Variants in SLC24A2 observed in about 807,000 individuals in gnomAD.
SLC24A2 encodes the protein solute carrier family 24 member 2.
Under a neutral mutation model 62.0 loss-of-function variants are expected in SLC24A2, and 36 were observed. The observed-to-expected ratio is 0.58, with a 90% CI of 0.44 to 0.77. The LOEUF is 0.77. Among genes scored for constraint, SLC24A2 ranks in the 30% least tolerant of loss-of-function variants. The probability of loss-of-function intolerance (pLI) is 0.00; values close to 1 mark genes in which losing one functional copy is unlikely to be tolerated. For missense variants in SLC24A2, 846 were observed against 817.9 expected, an observed-to-expected ratio of 1.03 and a Z score of -0.42; for synonymous variants, 358 against 294.0, an observed-to-expected ratio of 1.22 and a Z score of -2.23.
chr9:19,852,637 T>C, the SLC24A2 span, among the ~76,000 whole-genome samples: 1 of 152,136 alleles, frequency 6.6e-6, no homozygotes, highest in Non-Finnish European at 1.5e-5. Flanking sequence ...TGTAGATGTG[T>C]GGTCTTATTT....
At chr9:19,622,357 C>T in intron 2 of SLC24A2, 58 bp from the exon 3 acceptor site, 1 of 1,491,952 alleles carries the variant, frequency 6.7e-7, no homozygotes, top group Non-Finnish European at 9.3e-7. Flanking sequence ...TGAAGAATCA[C>T]ATATGGCATT....
chr9:19,913,772 C>T, the SLC24A2 span, among the ~76,000 whole-genome samples: 1 of 152,098 alleles, frequency 6.6e-6, no homozygotes, highest in African/African-American at 2.4e-5. Context: ...TGGTCTATGA[C>T]TCCACAAATC....
the SLC24A2 span, among the ~76,000 whole-genome samples, chr9:20,202,530 G>C: frequency 6.6e-6 from 1 of 152,306 alleles, no homozygotes; most frequent in Admixed American, 6.5e-5. Context: ...GGCCTGAGGG[G>C]ATAGTTGTGG....
intron 8 of SLC24A2, among the ~76,000 whole-genome samples, chr9:19,543,329 A>C (rs768952835): frequency 4.0e-5 from 6 of 150,680 alleles, no homozygotes; most frequent in African/African-American, 1.5e-4. Context: ...TTTCTTTATT[A>C]GTCTGGCTAG....
At chr9:19,530,130 G>A (rs924971170) in intron 8 of SLC24A2, among the ~76,000 whole-genome samples, 3 of 140,824 alleles carry the variant, frequency 2.1e-5, no homozygotes, top group African/African-American at 5.3e-5. Context: ...TCTGGAGACC[G>A]AATTCCCTGA....
the SLC24A2 span, among the ~76,000 whole-genome samples, chr9:20,222,354 G>A: frequency 1.3e-5 from 2 of 151,804 alleles, no homozygotes; most frequent in Admixed American, 6.6e-5. Flanking sequence ...AAATACAGCA[G>A]AAAACAATCA....
At chr9:19,696,278 T>A (rs1336277914) in intron 2 of SLC24A2, among the ~76,000 whole-genome samples, 1 of 152,150 alleles carries the variant, frequency 6.6e-6, no homozygotes, top group Non-Finnish European at 1.5e-5. Context: ...ACGAAACTGG[T>A]CCCTGGTGCC....
At chr9:20,191,959 G>T in the SLC24A2 span, among the ~76,000 whole-genome samples, 23 of 152,278 alleles carry the variant, frequency 1.5e-4, no homozygotes, top group African/African-American at 5.1e-4. Context: ...GCTATGCACA[G>T]AGGGGTAAGA....
the SLC24A2 span, among the ~76,000 whole-genome samples, chr9:20,303,748 G>A: frequency 6.6e-6 from 1 of 152,148 alleles, no homozygotes; most frequent in African/African-American, 2.4e-5. Context: ...CACCAGAAGG[G>A]TTCATTTTAT....
the SLC24A2 span, among the ~76,000 whole-genome samples, chr9:20,188,001 C>G: frequency 1.3e-5 from 2 of 152,200 alleles, no homozygotes. Context: ...CTCTGAAGCC[C>G]CAACAATAGC....
intron 2 of SLC24A2, among the ~76,000 whole-genome samples, chr9:19,750,878 G>C (rs1467147172): frequency 6.6e-6 from 1 of 152,068 alleles, no homozygotes; most frequent in African/African-American, 2.4e-5. Context: ...TCCTGTACCT[G>C]GAATGTCCTC....
the SLC24A2 span, among the ~76,000 whole-genome samples, chr9:20,132,954 G>A: frequency 2.4e-4 from 36 of 152,144 alleles, 1 homozygote; most frequent in African/African-American, 8.4e-4. Flanking sequence ...TTTTGTGATG[G>A]TGTTTTGATT....
At chr9:19,534,483 T>C (rs1833861964) in intron 8 of SLC24A2, among the ~76,000 whole-genome samples, 1 of 152,090 alleles carries the variant, frequency 6.6e-6, no homozygotes, top group South Asian at 2.1e-4. Context: ...CATTAGATAT[T>C]TGTCCTAATG....
chr9:19,640,231 A>G (rs1818456906), intron 2 of SLC24A2, among the ~76,000 whole-genome samples: 1 of 152,226 alleles, frequency 6.6e-6, no homozygotes, highest in Non-Finnish European at 1.5e-5. Flanking sequence ...TTATCTAAAA[A>G]TGGCTCTCCT....
At chr9:20,047,275 T>G in the SLC24A2 span, among the ~76,000 whole-genome samples, 1 of 152,038 alleles carries the variant, frequency 6.6e-6, no homozygotes, top group Admixed American at 6.6e-5. Flanking sequence ...ATGCAGACTG[T>G]TTGCTCAATC....
the SLC24A2 span, among the ~76,000 whole-genome samples, chr9:19,948,628 C>T: frequency 1.3e-5 from 2 of 151,840 alleles, no homozygotes; most frequent in Non-Finnish European, 2.9e-5. Flanking sequence ...GAGGCCGAGG[C>T]GGGCGGATCA....
the SLC24A2 span, among the ~76,000 whole-genome samples, chr9:20,245,047 A>G: frequency 1.1e-4 from 17 of 152,324 alleles, no homozygotes; most frequent in Non-Finnish European, 1.6e-4. Flanking sequence ...TTTAGCGGAC[A>G]TGAGAATATG....
At chr9:19,819,662 C>T in the SLC24A2 span, among the ~76,000 whole-genome samples, 1 of 151,842 alleles carries the variant, frequency 6.6e-6, no homozygotes, top group Non-Finnish European at 1.5e-5. Flanking sequence ...AATGTGATAC[C>T]ACCTTACTCC....
At chr9:20,161,661 C>T in the SLC24A2 span, among the ~76,000 whole-genome samples, 1 of 151,176 alleles carries the variant, frequency 6.6e-6, no homozygotes, top group Non-Finnish European at 1.5e-5. Context: ...AAATTTGACA[C>T]CCATTCCTAA....
Sources: allele counts gnomAD v4.1 joint callset (sites outside exome capture counted in the v4.1 genomes callset), GRCh38; gene constraint gnomAD v4.1.1; transcripts MANE v1.5; gene names NCBI Gene and HGNC (gene_info 2026-07-23, HGNC 2026-07-21).